Variants in CEP83 observed in about 807,000 individuals in gnomAD.
The protein encoded by CEP83 is centrosomal protein 83, also known as centrosomal protein of 83 kDa.
CEP83 carries 70 observed loss-of-function variants against 101.9 expected under a neutral mutation model. The ratio of observed to expected loss-of-function variants is 0.69; its 90% CI spans 0.57 to 0.84. CEP83 has a LOEUF of 0.84. Among genes scored for constraint, CEP83 ranks in the 40% least tolerant of loss-of-function variants. The probability of loss-of-function intolerance (pLI) is 0.00; values close to 1 mark genes in which losing one functional copy is unlikely to be tolerated. For synonymous variants in CEP83, 264 were observed against 267.9 expected (o/e 0.99, Z 0.14); for missense variants, 715 against 787.2 (o/e 0.91, Z 1.10).
the CEP83 span, among the ~76,000 whole-genome samples, chr12:94,284,607 CTAT>C: frequency 3.3e-5 from 5 of 152,168 alleles, 2 homozygotes; most frequent in African/African-American, 1.2e-4. Flanking sequence ...GAGATAGGTA[CTAT>C]TATTAACCCC....
intron 11 of CEP83, among the ~76,000 whole-genome samples, chr12:94,353,162 C>A (rs958518632): frequency 6.6e-6 from 1 of 152,084 alleles, no homozygotes; most frequent in Non-Finnish European, 1.5e-5. Flanking sequence ...TCAAGAGAAA[C>A]CTTACAGGCA....
At chr12:94,433,041 T>C (rs1019624675) in intron 2 of CEP83, among the ~76,000 whole-genome samples, 2 of 151,898 alleles carry the variant, frequency 1.3e-5, no homozygotes, top group African/African-American at 4.8e-5. Flanking sequence ...AAACATCAAG[T>C]GCAAAATAAT....
chr12:94,340,944 G>A (rs1040620853), intron 11 of CEP83, among the ~76,000 whole-genome samples: 3 of 152,220 alleles, frequency 2.0e-5, no homozygotes, highest in Admixed American at 2.0e-4. Context: ...AGATCCAGGT[G>A]TCCCTGAAAC....
chr12:94,440,813 G>A (rs543740413), intron 1 of CEP83, among the ~76,000 whole-genome samples: 2 of 152,200 alleles, frequency 1.3e-5, no homozygotes, highest in Non-Finnish European at 2.9e-5. Context: ...AAACAGCATG[G>A]TACTGGCATA....
the CEP83 span, among the ~76,000 whole-genome samples, chr12:94,269,003 A>G: frequency 6.6e-6 from 1 of 152,142 alleles, no homozygotes; most frequent in Non-Finnish European, 1.5e-5. Context: ...ACGTTTTGTC[A>G]AGAGTGGAAC....
chr12:94,346,812 G>A (rs2059954150), intron 11 of CEP83, among the ~76,000 whole-genome samples: 1 of 152,254 alleles, frequency 6.6e-6, no homozygotes, highest in South Asian at 2.1e-4. Flanking sequence ...TGAAAACACA[G>A]GAAAAAACAC....
downstream of CEP83, among the ~76,000 whole-genome samples, chr12:94,303,339 C>T (rs1360469501): frequency 6.6e-6 from 1 of 152,160 alleles, no homozygotes; most frequent in Non-Finnish European, 1.5e-5. Context: ...ATCAGACCTA[C>T]AATCAAGTCT....
intron 8 of CEP83, among the ~76,000 whole-genome samples, chr12:94,371,866 T>C (rs551911427): frequency 3.3e-5 from 5 of 152,366 alleles, no homozygotes; most frequent in Admixed American, 3.3e-4. Context: ...AAGTGAGTAC[T>C]GCCTTATGTA....
At chr12:94,293,536 T>C in the CEP83 span, among the ~76,000 whole-genome samples, 1 of 152,226 alleles carries the variant, frequency 6.6e-6, no homozygotes, top group Non-Finnish European at 1.5e-5. Flanking sequence ...GTGAGGACCC[T>C]CCTCCTGGTT....
intron 2 of CEP83, chr12:94,424,091 ACT>A (rs2064997620): frequency 1.9e-6 from 3 of 1,608,568 alleles, no homozygotes; most frequent in Non-Finnish European, 2.6e-6. Flanking sequence ...TGTCTGAGTC[ACT>A]CTCTGATACG....
At chr12:94,356,684 T>A (rs940772559) in intron 11 of CEP83, among the ~76,000 whole-genome samples, 14 of 152,220 alleles carry the variant, frequency 9.2e-5, no homozygotes, top group African/African-American at 3.1e-4. Flanking sequence ...TGGACCAGGT[T>A]CTCCTTTTGT....
chr12:94,458,011 A>C (rs975004564), intron 1 of CEP83, among the ~76,000 whole-genome samples: 1 of 152,068 alleles, frequency 6.6e-6, no homozygotes, highest in African/African-American at 2.4e-5. Flanking sequence ...AGCCTGGGCA[A>C]TATGGTGAAA....
chr12:94,396,125 G>A (rs1476009150), intron 6 of CEP83, among the ~76,000 whole-genome samples: 1 of 151,856 alleles, frequency 6.6e-6, no homozygotes, highest in Admixed American at 6.6e-5. Context: ...CTACAACTCT[G>A]TATTGTCATT....
At chr12:94,441,716 C>A (rs955222895) in intron 1 of CEP83, among the ~76,000 whole-genome samples, 1 of 152,026 alleles carries the variant, frequency 6.6e-6, no homozygotes, top group Non-Finnish European at 1.5e-5. Flanking sequence ...GAGATCAAGA[C>A]CATCTTGACT....
chr12:94,410,763 A>G (rs2063829069), intron 4 of CEP83, among the ~76,000 whole-genome samples: 1 of 152,192 alleles, frequency 6.6e-6, no homozygotes, highest in African/African-American at 2.4e-5. Context: ...TCTGAGGTTT[A>G]TATTTGTATA....
intron 1 of CEP83, among the ~76,000 whole-genome samples, chr12:94,437,661 C>T (rs529844373): frequency 1.6e-4 from 25 of 152,136 alleles, no homozygotes; most frequent in Non-Finnish European, 3.5e-4. Context: ...GCAATAGAGT[C>T]TTTTTCATAC....
chr12:94,404,698 A>T (rs917918772), intron 4 of CEP83, among the ~76,000 whole-genome samples: 4 of 152,148 alleles, frequency 2.6e-5, no homozygotes, highest in Admixed American at 1.3e-4. Flanking sequence ...TACTTTAAAA[A>T]TTTATTTTAT....
intron 11 of CEP83, among the ~76,000 whole-genome samples, chr12:94,343,422 A>C (rs1201756014): frequency 6.6e-6 from 1 of 151,736 alleles, no homozygotes; most frequent in South Asian, 2.1e-4. Flanking sequence ...CAAAGCAGAA[A>C]GAGTACAAAC....
Position 94,389,662 on chromosome 12 carries a change from G to T in CEP83, c.550-10620C>A, listed in dbSNP as rs145446539. ...CACAGAGGGTGAGCTGAAGCAGGGC[G>T]GGGCATCACCTCACCCGGGAAGTGC... On this transcript the variant is annotated intron_variant, in intron 6 of 16. Transcript: ENST00000397809. 2.3e-3 allele frequency among the ~76,000 whole-genome samples: 343 copies of T among 152,278 alleles called. 1 individual carries two copies. Among genetic ancestry groups the T allele is most frequent in the Non-Finnish European group, 4.2e-3 (289 of 68,020 alleles).
Sources: allele counts gnomAD v4.1 joint callset (sites outside exome capture counted in the v4.1 genomes callset), GRCh38; gene constraint gnomAD v4.1.1; transcripts MANE v1.5; gene names NCBI Gene and HGNC (gene_info 2026-07-23, HGNC 2026-07-21).